Variants in AFF3 observed in about 807,000 individuals in gnomAD.
The protein encoded by AFF3 is AF4/FMR2 family member 3.
In AFF3, 32 loss-of-function variants were observed where a neutral mutation model predicts 129.7. The ratio of observed to expected loss-of-function variants is 0.25; its 90% CI spans 0.19 to 0.33. The LOEUF is 0.33. Ranked by LOEUF, AFF3 falls within the 10% of genes least tolerant of loss-of-function variation. AFF3 has a pLI of 1.00. For synonymous variants in AFF3, 644 were observed against 635.4 expected (o/e 1.01, Z -0.20); for missense variants, 1,373 against 1,592.0 (o/e 0.86, Z 2.34).
rs1195376589 is a variant in AFF3 at position 100,079,163 on chromosome 2, G to T, written c.53+25239C>A. ...GAGTTTCACCGTATTAGCCAGGATG[G>T]TCTTGATCTCCTGACCTCGTGATTC... On this transcript the variant is annotated intron_variant, in intron 4 of 24. Transcript: ENST00000672756. Among the ~76,000 whole-genome samples the T allele has an allele frequency of 3.9e-5, 6 of 152,020 alleles. No individual in the cohort carries two copies. The South Asian group carries it at 1.3e-3, about 32-fold the overall frequency.
intron 8 of AFF3, among the ~76,000 whole-genome samples, chr2:99,826,163 C>T (rs930877059): frequency 2.6e-5 from 4 of 152,012 alleles, no homozygotes; most frequent in African/African-American, 4.8e-5. Context: ...TACAGTCCCC[C>T]GCCACCATGC....
chr2:99,812,758 T>C (rs925732542), intron 8 of AFF3, among the ~76,000 whole-genome samples: 5 of 152,226 alleles, frequency 3.3e-5, no homozygotes, highest in Admixed American at 3.3e-4. Context: ...TATTCAGCTG[T>C]TTAAAAGCAG....
chr2:100,023,852 C>T (rs1683801854), intron 4 of AFF3, among the ~76,000 whole-genome samples: 1 of 152,234 alleles, frequency 6.6e-6, no homozygotes, highest in African/African-American at 2.4e-5. Context: ...TTCTCCATCT[C>T]AGACAGGTGG....
chr2:99,900,698 C>T (rs1417240027), intron 7 of AFF3, among the ~76,000 whole-genome samples: 1 of 152,094 alleles, frequency 6.6e-6, no homozygotes, highest in African/African-American at 2.4e-5. Context: ...TCTGGGTGGC[C>T]AGACCAGGCC....
chr2:99,840,854 C>A (rs1228000118), intron 7 of AFF3, among the ~76,000 whole-genome samples: 1 of 152,178 alleles, frequency 6.6e-6, no homozygotes, highest in Non-Finnish European at 1.5e-5. Flanking sequence ...TTTCCTTTGG[C>A]GTTCATGGTG....
intron 7 of AFF3, among the ~76,000 whole-genome samples, chr2:99,878,559 C>A (rs2106001325): frequency 6.6e-6 from 1 of 152,284 alleles, no homozygotes; most frequent in Non-Finnish European, 1.5e-5. Flanking sequence ...CAGGTTTCTG[C>A]CAGGAGGCAC....
intron 18 of AFF3, among the ~76,000 whole-genome samples, chr2:99,574,940 C>T (rs1333537305): frequency 1.3e-5 from 2 of 152,118 alleles, no homozygotes; most frequent in Non-Finnish European, 2.9e-5. Context: ...GGGCTGAGGT[C>T]TTCCTCTGTC....
intron 4 of AFF3, among the ~76,000 whole-genome samples, chr2:100,102,565 A>G (rs1403507288): frequency 2.0e-5 from 3 of 148,034 alleles, no homozygotes; most frequent in Non-Finnish European, 4.5e-5. Flanking sequence ...ACACTGCTCC[A>G]GGGTAATTCA....
chr2:99,809,611 C>G (rs1374986779), intron 8 of AFF3, among the ~76,000 whole-genome samples: 1 of 152,168 alleles, frequency 6.6e-6, no homozygotes, highest in Non-Finnish European at 1.5e-5. Flanking sequence ...TCACTAATTT[C>G]CAGCTGTAGG....
intron 13 of AFF3, among the ~76,000 whole-genome samples, chr2:99,605,239 T>C (rs1209538800): frequency 2.0e-5 from 3 of 152,230 alleles, no homozygotes; most frequent in African/African-American, 7.2e-5. Flanking sequence ...CTAACTATTA[T>C]TTGTTTTTAA....
chr2:99,568,603 T>A (rs564486535), intron 19 of AFF3, among the ~76,000 whole-genome samples: 1 of 152,312 alleles, frequency 6.6e-6, no homozygotes, highest in South Asian at 2.1e-4. Context: ...CTGGCTCTAG[T>A]TACTATTCAA....
intron 11 of AFF3, among the ~76,000 whole-genome samples, chr2:99,704,399 T>C (rs952436471): frequency 2.6e-5 from 4 of 152,172 alleles, no homozygotes; most frequent in Non-Finnish European, 1.5e-5. Context: ...CTGGAAGACC[T>C]AGCACTACCC....
intron 14 of AFF3, among the ~76,000 whole-genome samples, chr2:99,594,595 T>C (rs919312167): frequency 6.6e-5 from 10 of 152,198 alleles, no homozygotes; most frequent in Non-Finnish European, 1.2e-4. Flanking sequence ...TGAGTGTTAG[T>C]ATAAATTTTT....
At chr2:99,627,631 G>C (rs1682719755) in intron 13 of AFF3, among the ~76,000 whole-genome samples, 1 of 152,110 alleles carries the variant, frequency 6.6e-6, no homozygotes, top group Non-Finnish European at 1.5e-5. Context: ...TGGCATCTTT[G>C]TCATGAAATC....
intron 4 of AFF3, among the ~76,000 whole-genome samples, chr2:100,065,432 CATATTTATAGAAAACAGCCCTAA>C (rs1418193076): frequency 6.6e-6 from 1 of 152,146 alleles, no homozygotes; most frequent in African/African-American, 2.4e-5. Context: ...GTACGATATG[CATATTTATAGAAAACAGCCCTAA>C]AGATCATTAT....
chr2:99,625,322 T>G (rs192282514), intron 13 of AFF3, among the ~76,000 whole-genome samples: 11 of 152,286 alleles, frequency 7.2e-5, no homozygotes, highest in Admixed American at 7.2e-4. Context: ...ATGAAAAATA[T>G]GCAATATTAG....
In AFF3 at chr2:99,587,149, C is replaced by T. The variant is rs186937286; in HGVS notation, c.2591+5G>A. The T allele has an allele frequency of 3.9e-4, 636 of 1,613,908 alleles. 2 individuals carry two copies. The African/African-American group carries it at 6.8e-3, about 17-fold the overall frequency. On this transcript the variant is annotated splice_donor_5th_base_variant and intron_variant, in intron 16 of 24. Coordinates refer to ENST00000672756, the MANE Select transcript of AFF3 (RefSeq NM_001386135.1). ...TCACTTCCACTTTGGAGGGAATGCA[C>T]GTACCTGTTGATGTTCATGTTGCAG...
At chr2:100,090,828 C>A (rs1689797010) in intron 4 of AFF3, among the ~76,000 whole-genome samples, 1 of 152,128 alleles carries the variant, frequency 6.6e-6, no homozygotes, top group South Asian at 2.1e-4. Context: ...AGGCGTCCAC[C>A]ACCACGCCTA....
chr2:99,838,934 C>G (rs976522462), intron 7 of AFF3, among the ~76,000 whole-genome samples: 17 of 152,146 alleles, frequency 1.1e-4, no homozygotes, highest in African/African-American at 3.1e-4. Context: ...CTCTACCCTT[C>G]ACTTGAGTTA....
Sources: gnomAD v4.1 joint callset for allele counts (sites outside exome capture counted in the v4.1 genomes callset) on GRCh38, gnomAD v4.1.1 for gene constraint, MANE v1.5 for transcripts, NCBI Gene and HGNC (gene_info 2026-07-23, HGNC 2026-07-21) for gene names.